WWOX: variants seen among roughly 807,000 people sequenced by gnomAD.
The protein encoded by WWOX is WW domain-containing oxidoreductase.
WWOX carries 69 observed loss-of-function variants against 46.2 expected under a neutral mutation model. The ratio of observed to expected loss-of-function variants is 1.49; its 90% CI spans 1.23 to 1.82. The LOEUF (loss-of-function observed/expected upper bound fraction) is 1.82, where lower values mean the gene tolerates loss of function less well. Ranked by LOEUF, WWOX falls within the 40% of genes most tolerant of loss-of-function variation. The pLI is 0.00. For missense variants in WWOX, 919 were observed against 542.6 expected, an observed-to-expected ratio of 1.69 and a Z score of -6.89; for synonymous variants, 359 against 202.6, an observed-to-expected ratio of 1.77 and a Z score of -6.56.
Position 79,023,855 on chromosome 16 carries a change from C to G in WWOX, c.1057-187753C>G, listed in dbSNP as rs180845280. ...CCTGTAATCCCAGCTACTCGGGAGGCTGAGGCAGGAGAATCACTTAAAGTC... is the reference window on the plus strand; with the variant it reads ...CCTGTAATCCCAGCTACTCGGGAGGGTGAGGCAGGAGAATCACTTAAAGTC... On this transcript the variant is annotated intron_variant, in intron 8 of 8. Coordinates refer to ENST00000566780, the MANE Select transcript of WWOX (RefSeq NM_016373.4). Among the ~76,000 whole-genome samples the G allele has an allele frequency of 1.1e-3, 167 of 151,776 alleles. 1 individual carries two copies. Among genetic ancestry groups the G allele is most frequent in the Admixed American group, 3.5e-3 (53 of 15,258 alleles).
chr16:78,551,184 C>T (rs962486360), intron 8 of WWOX: 6 of 152,072 alleles, frequency 3.9e-5, no homozygotes, highest in Non-Finnish European at 7.4e-5. Flanking sequence ...AAACAAATAT[C>T]GTGAATATAT....
At chr16:78,724,722 C>G (rs2048783302) in intron 8 of WWOX, among the ~76,000 whole-genome samples, 3 of 152,122 alleles carry the variant, frequency 2.0e-5, no homozygotes, top group South Asian at 2.1e-4. Flanking sequence ...TCTGTAAGCT[C>G]TGAATAAATA....
intron 8 of WWOX, among the ~76,000 whole-genome samples, chr16:79,148,015 T>G (rs2050211640): frequency 6.6e-6 from 1 of 152,224 alleles, no homozygotes; most frequent in Non-Finnish European, 1.5e-5. Flanking sequence ...CTTCTCTCAA[T>G]CTACAGCTTG....
intron 8 of WWOX, among the ~76,000 whole-genome samples, chr16:79,208,711 TGCCTCA>T (rs2051607605): frequency 1.3e-5 from 2 of 152,150 alleles, no homozygotes; most frequent in South Asian, 4.1e-4. Flanking sequence ...TTCACTAATG[TGCCTCA>T]GTCTTATTCT....
chr16:78,654,951 A>G (rs1340687592), intron 8 of WWOX, among the ~76,000 whole-genome samples: 3 of 152,028 alleles, frequency 2.0e-5, no homozygotes, highest in South Asian at 2.1e-4. Context: ...TTAAACATTG[A>G]TCATCTATGT....
chr16:78,891,201 T>C (rs1408508566), intron 8 of WWOX: 1 of 152,190 alleles, frequency 6.6e-6, no homozygotes, highest in African/African-American at 2.4e-5. Context: ...TTCACCTCTT[T>C]TGTCTCAGTC....
At chr16:79,189,423 T>TTGTGTG (rs4035319) in intron 8 of WWOX, among the ~76,000 whole-genome samples, 47 of 114,970 alleles carry the variant, frequency 4.1e-4, no homozygotes, top group South Asian at 1.1e-3. Flanking sequence ...ACTCCCAGCT[T>TTGTGTG]TGTGTGTGTG....
At chr16:78,464,738 A>G (rs1306407691) in intron 8 of WWOX, among the ~76,000 whole-genome samples, 1 of 152,076 alleles carries the variant, frequency 6.6e-6, no homozygotes, top group East Asian at 1.9e-4. Flanking sequence ...ATATTCATAA[A>G]GGGCCCCATT....
At chr16:78,367,268 C>T (rs781370885) in intron 5 of WWOX, among the ~76,000 whole-genome samples, 6 of 152,078 alleles carry the variant, frequency 3.9e-5, no homozygotes, top group Admixed American at 6.5e-5. Flanking sequence ...CGTGAGCCAC[C>T]GCACCCAGCC....
chr16:79,188,786 AC>A (rs370009059), intron 8 of WWOX, among the ~76,000 whole-genome samples: 9 of 152,236 alleles, frequency 5.9e-5, no homozygotes, highest in African/African-American at 1.7e-4. Context: ...CCTACAGACA[AC>A]GGTGGGGTTC....
At chr16:79,183,370 A>G (rs2050950297) in intron 8 of WWOX, among the ~76,000 whole-genome samples, 3 of 152,234 alleles carry the variant, frequency 2.0e-5, no homozygotes, top group South Asian at 4.1e-4. Flanking sequence ...AAGAAGATGC[A>G]TTTTGTCAGC....
intron 4 of WWOX, among the ~76,000 whole-genome samples, chr16:78,150,293 T>G (rs977784649): frequency 6.6e-6 from 1 of 152,188 alleles, no homozygotes; most frequent in African/African-American, 2.4e-5. Flanking sequence ...GGAGCTTCCA[T>G]ACCCCCTCCC....
intron 8 of WWOX, among the ~76,000 whole-genome samples, chr16:78,971,448 CAAAAAAAAAAA>C (rs71140852): frequency 0.019 from 2,138 of 111,896 alleles, 65 homozygotes; most frequent in African/African-American, 0.064. Context: ...GACTCTGTGT[CAAAAAAAAAAA>C]AAAAAAAAAA....
intron 8 of WWOX, among the ~76,000 whole-genome samples, chr16:78,997,415 T>A (rs1038459794): frequency 7.9e-5 from 12 of 152,160 alleles, no homozygotes; most frequent in Admixed American, 2.0e-4. Flanking sequence ...AAGAATTTTT[T>A]AAAAAATAGG....
intron 5 of WWOX, among the ~76,000 whole-genome samples, chr16:78,327,598 G>T (rs1000649093): frequency 6.6e-6 from 1 of 152,038 alleles, no homozygotes; most frequent in African/African-American, 2.4e-5. Flanking sequence ...AACTCCCACT[G>T]GAAAACCTCT....
chr16:78,403,250 C>A (rs1025974004), intron 6 of WWOX, among the ~76,000 whole-genome samples: 1 of 152,158 alleles, frequency 6.6e-6, no homozygotes, highest in African/African-American at 2.4e-5. Flanking sequence ...CCTCTGCCAC[C>A]ACCTATTAAA....
chr16:79,109,730 C>G (rs1232787421), intron 8 of WWOX, among the ~76,000 whole-genome samples: 1 of 152,054 alleles, frequency 6.6e-6, no homozygotes, highest in African/African-American at 2.4e-5. Flanking sequence ...TGCTTTTTCA[C>G]CAAGAATCTA....
At chr16:78,497,697 C>T (rs545156339) in intron 8 of WWOX, among the ~76,000 whole-genome samples, 2 of 152,174 alleles carry the variant, frequency 1.3e-5, no homozygotes, top group African/African-American at 2.4e-5. Context: ...TCTAATCACT[C>T]TTCATGATTG....
chr16:78,619,143 ATATATATATATATATATATATATAT>A (rs2046109498), intron 8 of WWOX, among the ~76,000 whole-genome samples: 2 of 3,532 alleles, frequency 5.7e-4, no homozygotes, highest in Non-Finnish European at 1.0e-3. Context: ...TAAAAAAAAA[ATATATATATATATATATATATATAT>A]ATATATATAT....
Sources: allele counts gnomAD v4.1 joint callset (sites outside exome capture counted in the v4.1 genomes callset), GRCh38; gene constraint gnomAD v4.1.1; transcripts MANE v1.5; gene names NCBI Gene and HGNC (gene_info 2026-07-23, HGNC 2026-07-21).